Variants in EFR3B observed in about 807,000 individuals in gnomAD.
EFR3B encodes EFR3 homolog B, also known as protein EFR3 homolog B.
A neutral mutation model predicts 104.7 loss-of-function variants in EFR3B; 64 were observed. The observed-to-expected ratio is 0.61, with a 90% CI of 0.50 to 0.75. EFR3B has a LOEUF of 0.75. Among genes scored for constraint, EFR3B ranks in the 30% least tolerant of loss-of-function variants. The probability of loss-of-function intolerance (pLI) is 0.00; values close to 1 mark genes in which losing one functional copy is unlikely to be tolerated. For synonymous variants in EFR3B, 385 were observed against 417.9 expected (o/e 0.92, Z 0.96); for missense variants, 750 against 1,078.5 (o/e 0.70, Z 4.27).
chr2:25,118,267 C>A (rs1254650281), intron 4 of EFR3B, among the ~76,000 whole-genome samples: 2 of 152,214 alleles, frequency 1.3e-5, no homozygotes, highest in Admixed American at 1.3e-4. Flanking sequence ...AGGCGTGAGT[C>A]ACTGCGCCTG....
At chr2:25,052,795 G>A (rs1301810055) in intron 1 of EFR3B, among the ~76,000 whole-genome samples, 1 of 151,804 alleles carries the variant, frequency 6.6e-6, no homozygotes, top group Admixed American at 6.6e-5. Flanking sequence ...GAGCCACTTT[G>A]CCCAGCCTGT....
intron 1 of EFR3B, among the ~76,000 whole-genome samples, chr2:25,057,723 A>C (rs537455275): frequency 2.1e-4 from 32 of 150,830 alleles, no homozygotes; most frequent in African/African-American, 7.8e-4. Flanking sequence ...CGGAGGTTGT[A>C]GTGAGCCGAG....
At chr2:25,076,743 C>A (rs1573184502) in intron 1 of EFR3B, among the ~76,000 whole-genome samples, 1 of 152,190 alleles carries the variant, frequency 6.6e-6, no homozygotes, top group Admixed American at 6.5e-5. Context: ...CAATCAGACA[C>A]GTTTCTCTCC....
At chr2:25,145,336 T>C (rs1670785531) in intron 19 of EFR3B, 3 of 518,868 alleles carry the variant, frequency 5.8e-6, no homozygotes, top group African/African-American at 1.9e-5. Flanking sequence ...TTTTGGAGGC[T>C]GAGGCAGGAG....
intron 2 of EFR3B, 82 bp downstream of exon 2, chr2:25,091,483 C>T: frequency 7.6e-7 from 1 of 1,311,960 alleles, no homozygotes; most frequent in East Asian, 2.7e-5. Context: ...AGCCAGGCCT[C>T]CTGCCGGGTG....
chr2:25,142,487 A>G, intron 17 of EFR3B, among the ~76,000 whole-genome samples: 1 of 148,036 alleles, frequency 6.8e-6, no homozygotes, highest in Admixed American at 6.9e-5. Context: ...ACAGTGGCTT[A>G]TGCCTATGTA....
chr2:25,083,625 C>T (rs1668871065), intron 1 of EFR3B, among the ~76,000 whole-genome samples: 1 of 152,136 alleles, frequency 6.6e-6, no homozygotes, highest in Non-Finnish European at 1.5e-5. Flanking sequence ...CGCTCCTGAC[C>T]AAAGCGCCTC....
At position 25,156,290 on chromosome 2, in the gene EFR3B, G is replaced by GTTCTTTTTTTTTTT. The variant is rs1671166400; in HGVS notation, c.*1952_*1953insCTTTTTTTTTTTTT. 1.4e-5 allele frequency: 1 copy of GTTCTTTTTTTTTTT among 71,752 alleles called. No individual in the cohort carries two copies. Among genetic ancestry groups the GTTCTTTTTTTTTTT allele is most frequent in the African/African-American group, 5.6e-5 (1 of 17,866 alleles). The allele number at this position is 71,752 out of a possible 1,614,324, so 4.4% of individuals were successfully genotyped here. On this transcript the variant is annotated 3_prime_UTR_variant, in exon 23 of 23. Transcript: ENST00000403714. ...TGTGGGCACACAGCTTCTTTTTCTT[G>GTTCTTTTTTTTTTT]TTTTTTTTTTTTTTTTTTTTTTTTT... is the stretch of plus-strand genomic sequence containing the variant.
At chr2:25,067,245 C>A (rs1668361089) in intron 1 of EFR3B, among the ~76,000 whole-genome samples, 1 of 152,130 alleles carries the variant, frequency 6.6e-6, no homozygotes, top group African/African-American at 2.4e-5. Flanking sequence ...TAGGCACCCC[C>A]ACCCAGCTCT....
Position 25,119,848 on chromosome 2 carries a change from A to G in EFR3B, c.364-1825A>G, listed in dbSNP as rs375077039. ...CCAGAAAAAGTTATTAACAACTTTT[A>G]AGTTGTTAAATACAGACACAAATTG... On this transcript the variant is annotated intron_variant, in intron 4 of 22. Coordinates refer to ENST00000403714, the MANE Select transcript of EFR3B (RefSeq NM_014971.2). 1.3e-4 allele frequency among the ~76,000 whole-genome samples: 20 copies of G among 152,358 alleles called. No homozygotes were observed. The East Asian group carries it at 2.9e-3, about 22-fold the overall frequency.
intron 1 of EFR3B, among the ~76,000 whole-genome samples, chr2:25,088,784 C>T (rs948636045): frequency 1.3e-5 from 2 of 152,194 alleles, no homozygotes; most frequent in African/African-American, 4.8e-5. Context: ...CCTGAGAGCC[C>T]ATGCTGTTGG....
intron 1 of EFR3B, among the ~76,000 whole-genome samples, chr2:25,052,396 C>T (rs1449475037): frequency 6.6e-6 from 1 of 151,958 alleles, no homozygotes; most frequent in African/African-American, 2.4e-5. Context: ...ACTTCTTACT[C>T]ACTCTGTATA....
At position 25,059,578 on chromosome 2, in the gene EFR3B, G is replaced by A. The variant is rs112531455; in HGVS notation, c.7+17259G>A. On this transcript the variant is annotated intron_variant, in intron 1 of 22. Coordinates refer to ENST00000403714, the MANE Select transcript of EFR3B (RefSeq NM_014971.2). ...TAGAGGTTACCAGGGACTGCGGGGG[G>A]GGGGGGGGTGGAGATTGGGGAATTG... Among the ~76,000 whole-genome samples the A allele has an allele frequency of 3.2e-4, 37 of 114,846 alleles. 1 individual carries two copies. Among genetic ancestry groups the A allele is most frequent in the African/African-American group, 7.7e-4 (26 of 33,878 alleles). The allele number at this position is 114,846 out of a possible 152,430, so 75.3% of individuals were successfully genotyped here.
intron 1 of EFR3B, among the ~76,000 whole-genome samples, chr2:25,059,581 G>GT (rs1413414869): frequency 7.1e-6 from 1 of 140,002 alleles, no homozygotes; most frequent in Admixed American, 7.4e-5. Context: ...GCGGGGGGGG[G>GT]GGGGGTGGAG....
chr2:25,150,486 T>C (rs1670973127), intron 20 of EFR3B, among the ~76,000 whole-genome samples: 1 of 152,186 alleles, frequency 6.6e-6, no homozygotes, highest in African/African-American at 2.4e-5. Context: ...ATGTTACCTC[T>C]CTATCTGGAT....
intron 20 of EFR3B, 34 bp downstream of exon 20, chr2:25,149,776 C>A (rs757246933): frequency 1.9e-6 from 3 of 1,545,898 alleles, no homozygotes; most frequent in Non-Finnish European, 8.8e-7. Context: ...GGTTAGAGGG[C>A]AAAATGGGGT....
intron 1 of EFR3B, among the ~76,000 whole-genome samples, chr2:25,081,973 A>G (rs1668820597): frequency 6.6e-6 from 1 of 152,154 alleles, no homozygotes. Context: ...GCTCTGATCA[A>G]GGGGACAGCT....
intron 1 of EFR3B, among the ~76,000 whole-genome samples, chr2:25,062,918 A>ATTTTTCT (rs138337619): frequency 0.11 from 17,261 of 150,262 alleles, 1,022 homozygotes; most frequent in East Asian, 0.24. Context: ...TGAAGGATTG[A>ATTTTTCT]TTTTTCTTTT....
chr2:25,090,420 GT>G (rs1416090832), intron 1 of EFR3B, among the ~76,000 whole-genome samples: 2 of 152,236 alleles, frequency 1.3e-5, no homozygotes, highest in African/African-American at 4.8e-5. Flanking sequence ...AATTTTGCCA[GT>G]TTGTTTTATC....
Sources: allele counts gnomAD v4.1 joint callset (sites outside exome capture counted in the v4.1 genomes callset), GRCh38; gene constraint gnomAD v4.1.1; transcripts MANE v1.5; gene names NCBI Gene and HGNC (gene_info 2026-07-23, HGNC 2026-07-21).